Variants in PCDHGA7 observed in about 807,000 individuals in gnomAD.
PCDHGA7 encodes the protein protocadherin gamma-A7.
PCDHGA7 carries 44 observed loss-of-function variants against 58.3 expected under a neutral mutation model. The ratio of observed to expected loss-of-function variants is 0.75; its 90% confidence interval spans 0.59 to 0.97. PCDHGA7 has a LOEUF of 0.97. Ranked by LOEUF, PCDHGA7 falls within the 50% of genes least tolerant of loss-of-function variation. PCDHGA7 has a pLI of 0.00. For synonymous variants in PCDHGA7, 516 were observed against 504.2 expected (o/e 1.02, Z -0.31); for missense variants, 1,266 against 1,188.7 (o/e 1.06, Z -0.96).
At position 141,384,110 on chromosome 5, in the gene PCDHGA7, T is replaced by A; in HGVS notation, c.1211T>A (p.Leu404Ter). 1 of 1,604,780 alleles carries A rather than the reference T, an allele frequency of 6.2e-7. No individual in the cohort carries two copies. Among genetic ancestry groups the A allele is most frequent in the Non-Finnish European group, 8.5e-7 (1 of 1,175,206 alleles). Residue 404 changes from leucine to a stop codon, truncating the protein, a stop_gained, in exon 1 of 4, where the codon TTG becomes TAG. Transcript: ENST00000518325. LOFTEE classifies it high-confidence loss of function. ...LEKSIDNYYR[L>*]VTTKNLDRET... ...AAATCAATAGATAATTATTATAGAT[T>A]GGTCACAACCAAAAACTTGGACCGG...
intron 1 of PCDHGA7, chr5:141,403,168 G>A: frequency 1.2e-6 from 2 of 1,614,032 alleles, no homozygotes; most frequent in African/African-American, 1.3e-5. Context: ...GAGGTAGGAC[G>A]CAGCTTTTCT....
chr5:141,485,899 C>A lies in PCDHGA7; in HGVS notation c.2425-8908C>A, dbSNP rs775312856. 12 of 1,614,166 alleles carry A rather than the reference C, an allele frequency of 7.4e-6. No individual in the cohort carries two copies. The highest frequency in any genetic ancestry group is 8.5e-6 in the Non-Finnish European group (10 of 1,180,032). On this transcript the variant is annotated intron_variant, in intron 1 of 3. Coordinates refer to ENST00000518325, the MANE Select transcript of PCDHGA7 (RefSeq NM_018920.4). The surrounding 1 kb of genome is among the most constrained non-coding windows in gnomAD (Gnocchi z 5.7). ...ACGTAAACGACAACGCCCCAGCCTT[C>A]CAGCAATCCAGCTACAGGATTAGTG...
At position 141,398,098 on chromosome 5, in the gene PCDHGA7, C is replaced by T. The variant is rs770737294; in HGVS notation, c.2424+12775C>T. 2.5e-6 allele frequency: 4 copies of T among 1,596,954 alleles called. No homozygotes were observed. In the South Asian group the frequency reaches 4.5e-5, roughly 18 times the overall value. ...TTATTTGTAACCTGGCGTCTCCAGGCTGGTGAGCAAGCTGAGGAGAGCAAG... is the reference window on the plus strand; with the variant it reads ...TTATTTGTAACCTGGCGTCTCCAGGTTGGTGAGCAAGCTGAGGAGAGCAAG... On this transcript the variant is annotated intron_variant, in intron 1 of 3. Transcript: ENST00000518325.
Position 141,489,802 on chromosome 5 carries a change from G to A in PCDHGA7, c.2425-5005G>A, listed in dbSNP as rs2099692541. On this transcript the variant is annotated intron_variant, in intron 1 of 3. Transcript: ENST00000518325. The surrounding 1 kb of genome is among the most constrained non-coding windows in gnomAD (Gnocchi z 4.5). ...TCTGAATGTGAAGACCCTAAAAGAT[G>A]GGAAGCCATTCCCAGAGCTGGTGCT... is the stretch of plus-strand genomic sequence containing the variant. 6.2e-7 allele frequency: 1 copy of A among 1,614,042 alleles called. No homozygotes were observed. The highest frequency in any genetic ancestry group is 1.1e-5 in the South Asian group (1 of 91,088).
In PCDHGA7 at chr5:141,488,566, A is replaced by T. The variant is rs1354931497; in HGVS notation, c.2425-6241A>T. On this transcript the variant is annotated intron_variant, in intron 1 of 3. Coordinates refer to ENST00000518325, the MANE Select transcript of PCDHGA7 (RefSeq NM_018920.4). ...TGTCAGCTGACATTGAGATTTCCGC[A>T]AAGCATTGCTGGAGAGTCAGGGCAA... 5.9e-5 allele frequency among the ~76,000 whole-genome samples: 9 copies of T among 152,324 alleles called. No individual in the cohort carries two copies. In the East Asian group the frequency reaches 1.5e-3, roughly 26 times the overall value.
chr5:141,501,453 C>T (rs567794395), intron 2 of PCDHGA7, among the ~76,000 whole-genome samples: 1 of 152,094 alleles, frequency 6.6e-6, no homozygotes, highest in Non-Finnish European at 1.5e-5. Flanking sequence ...TTTTACTTTT[C>T]ACTATTCCCC....
intron 1 of PCDHGA7, chr5:141,478,743 A>G: frequency 6.5e-7 from 1 of 1,528,732 alleles, no homozygotes; most frequent in Non-Finnish European, 8.8e-7. Context: ...TTGTGGTCCC[A>G]TTTCAGGGGG....
chr5:141,394,514 C>T, intron 1 of PCDHGA7: 1 of 1,614,230 alleles, frequency 6.2e-7, no homozygotes. Flanking sequence ...ACCCCGCCCT[C>T]CCCACAGACG....
At chr5:141,418,316 A>G in intron 1 of PCDHGA7, 1 of 1,614,026 alleles carries the variant, frequency 6.2e-7, no homozygotes, top group Non-Finnish European at 8.5e-7. Context: ...GATGGGAACA[A>G]TTCTTGAGTC....
intron 1 of PCDHGA7, among the ~76,000 whole-genome samples, chr5:141,450,829 A>ATTATTT (rs1554136902): frequency 7.4e-6 from 1 of 135,144 alleles, no homozygotes; most frequent in Admixed American, 7.6e-5. Context: ...TATTATTATT[A>ATTATTT]TTTTTTTTTT....
At chr5:141,391,305 T>G (rs2092341171) in intron 1 of PCDHGA7, 1 of 151,546 alleles carries the variant, frequency 6.6e-6, no homozygotes, top group Non-Finnish European at 1.5e-5. Context: ...GTCTTTCGAT[T>G]CTTTTTTTTT....
intron 1 of PCDHGA7, among the ~76,000 whole-genome samples, chr5:141,452,455 C>T (rs2098741536): frequency 6.6e-6 from 1 of 152,208 alleles, no homozygotes; most frequent in Non-Finnish European, 1.5e-5. Flanking sequence ...GCCTTGTCAG[C>T]AGACGGAGCT....
At chr5:141,433,285 C>G in intron 1 of PCDHGA7, 1 of 1,169,826 alleles carries the variant, frequency 8.5e-7, no homozygotes, top group Non-Finnish European at 1.2e-6. Flanking sequence ...CCTCAAACTC[C>G]TAGGCTCAAG....
intron 1 of PCDHGA7, chr5:141,410,694 T>C: frequency 6.7e-7 from 1 of 1,493,788 alleles, no homozygotes; most frequent in Non-Finnish European, 8.9e-7. Context: ...TACTACTTTA[T>C]TTTCATATCT....
rs1407225048 is a variant in PCDHGA7 at position 141,489,600 on chromosome 5, G to T, written c.2425-5207G>T. On this transcript the variant is annotated intron_variant, in intron 1 of 3. Coordinates refer to ENST00000518325, the MANE Select transcript of PCDHGA7 (RefSeq NM_018920.4). The surrounding 1 kb of genome is among the most constrained non-coding windows in gnomAD (Gnocchi z 4.5). ...ACCCCCTGGAGCTAATCCGTGTAGA[G>T]GTAGAGATCCTGGATCTCAATGACA... The T allele has an allele frequency of 7.4e-6, 12 of 1,613,916 alleles. 1 individual carries two copies. In the South Asian group the frequency reaches 1.2e-4, roughly 16 times the overall value.
At chr5:141,394,847 G>T in intron 1 of PCDHGA7, 1 of 1,613,848 alleles carries the variant, frequency 6.2e-7, no homozygotes, top group South Asian at 1.1e-5. Context: ...TGGGCAGTCT[G>T]AAGCCTTCGG....
rs760509503 is a variant in PCDHGA7 at position 141,432,756 on chromosome 5, A to T, written c.2424+47433A>T. The T allele has an allele frequency of 5.6e-6, 9 of 1,613,958 alleles. No homozygotes were observed. Among genetic ancestry groups the T allele is most frequent in the Non-Finnish European group, 7.6e-6 (9 of 1,179,994 alleles). On this transcript the variant is annotated intron_variant, in intron 1 of 3. Transcript: ENST00000518325. This position sits in a 1 kb window ranked among gnomAD's most constrained non-coding sequence, Gnocchi z 6.0. ...GTCACGCTCACCGTGGCCGTGGCCG[A>T]CAGCATCCCCCAAGTCCTGGCGGAC...
intron 1 of PCDHGA7, among the ~76,000 whole-genome samples, chr5:141,488,969 CCAAT>C (rs1303368467): frequency 4.6e-5 from 7 of 152,106 alleles, no homozygotes; most frequent in Non-Finnish European, 7.4e-5. Context: ...GACTTTTTGG[CCAAT>C]CAGACTCAGA....
chr5:141,389,049 C>T, intron 1 of PCDHGA7: 7 of 1,613,880 alleles, frequency 4.3e-6, no homozygotes, highest in Non-Finnish European at 5.9e-6. Flanking sequence ...AGGTGATGTT[C>T]CATTTAAAAT....
Sources: gnomAD v4.1 joint callset for allele counts (sites outside exome capture counted in the v4.1 genomes callset) on GRCh38, gnomAD v4.1.1 for gene constraint, Gnocchi (gnomAD v3.1) non-coding constraint, MANE v1.5 for transcripts, NCBI Gene and HGNC (gene_info 2026-07-23, HGNC 2026-07-21) for gene names.